The following SH3BGRL2 variants were observed in gnomAD, a reference collection of about 807,000 sequenced individuals.
SH3BGRL2 encodes the protein SH3 domain-binding glutamic acid-rich-like protein 2.
A neutral mutation model predicts 14.8 loss-of-function variants in SH3BGRL2; 21 were observed. The observed-to-expected ratio is 1.42, with a 90% CI of 1.01 to 2.05. The LOEUF (loss-of-function observed/expected upper bound fraction) is 2.05, where lower values mean the gene tolerates loss of function less well. Among genes scored for constraint, SH3BGRL2 ranks in the 30% most tolerant of loss-of-function variants. The pLI, the probability that SH3BGRL2 is intolerant of heterozygous loss-of-function variation, is 0.00. For missense variants in SH3BGRL2, 147 were observed against 130.8 expected (o/e 1.12, Z -0.61); for synonymous variants, 50 against 47.8 (o/e 1.05, Z -0.19).
intron 1 of SH3BGRL2, among the ~76,000 whole-genome samples, chr6:79,639,838 T>C (rs2127723453): frequency 6.6e-6 from 1 of 152,304 alleles, no homozygotes; most frequent in South Asian, 2.1e-4. Context: ...TTAAGCCACA[T>C]TCCTGTATTC....
intron 2 of SH3BGRL2, among the ~76,000 whole-genome samples, chr6:79,685,896 A>T (rs1016758664): frequency 6.6e-6 from 1 of 152,198 alleles, no homozygotes; most frequent in Non-Finnish European, 1.5e-5. Context: ...TTAGAGAAAT[A>T]ACTTTTCCGT....
intron 1 of SH3BGRL2, among the ~76,000 whole-genome samples, chr6:79,635,724 A>G (rs1222509086): frequency 6.6e-6 from 1 of 152,210 alleles, no homozygotes; most frequent in Non-Finnish European, 1.5e-5. Context: ...AAAAGATAGA[A>G]AGGTATTGGA....
intron 1 of SH3BGRL2, among the ~76,000 whole-genome samples, chr6:79,654,414 A>C (rs1336389368): frequency 1.3e-5 from 2 of 152,190 alleles, no homozygotes; most frequent in African/African-American, 4.8e-5. Context: ...CTCAGAGTTC[A>C]GAATCTTTGT....
chr6:79,630,888 C>T (rs75863715), upstream of SH3BGRL2, among the ~76,000 whole-genome samples: 1,339 of 152,242 alleles, frequency 8.8e-3, 19 homozygotes, highest in African/African-American at 0.03. Context: ...CCCGGCTCGC[C>T]GATCCCGCCT....
chr6:79,657,312 A>AAGGGACTG (rs2127728163), intron 1 of SH3BGRL2, among the ~76,000 whole-genome samples: 1 of 152,294 alleles, frequency 6.6e-6, no homozygotes, highest in African/African-American at 2.4e-5. Context: ...TGGGATAGGA[A>AAGGGACTG]AGGGACTGTA....
At chr6:79,642,853 A>G (rs1769058996) in intron 1 of SH3BGRL2, among the ~76,000 whole-genome samples, 1 of 152,176 alleles carries the variant, frequency 6.6e-6, no homozygotes, top group Non-Finnish European at 1.5e-5. Flanking sequence ...GATGAATGGA[A>G]TTTCCTAGAA....
chr6:79,587,087 G>A, the SH3BGRL2 span, among the ~76,000 whole-genome samples: 1 of 152,144 alleles, frequency 6.6e-6, no homozygotes, highest in Non-Finnish European at 1.5e-5. Flanking sequence ...TGTTGTCATT[G>A]TACTTTCTAC....
the SH3BGRL2 span, among the ~76,000 whole-genome samples, chr6:79,548,100 C>T: frequency 6.6e-6 from 1 of 152,112 alleles, no homozygotes; most frequent in Non-Finnish European, 1.5e-5. Context: ...AACTCTTAAG[C>T]TCAAGCTATC....
chr6:79,671,135 C>A (rs1156365761), intron 1 of SH3BGRL2, among the ~76,000 whole-genome samples: 4 of 151,966 alleles, frequency 2.6e-5, no homozygotes, highest in Non-Finnish European at 5.9e-5. Flanking sequence ...AAAAAAAAAA[C>A]CAGGTGAGTT....
intron 1 of SH3BGRL2, among the ~76,000 whole-genome samples, chr6:79,633,754 C>T (rs1287941642): frequency 6.6e-6 from 1 of 152,160 alleles, no homozygotes; most frequent in Non-Finnish European, 1.5e-5. Flanking sequence ...AGTTTTATCT[C>T]CTATATCAGT....
the SH3BGRL2 span, among the ~76,000 whole-genome samples, chr6:79,555,942 T>G: frequency 2.9e-4 from 44 of 152,304 alleles, no homozygotes; most frequent in Non-Finnish European, 4.9e-4. Context: ...TAAAGTAAAC[T>G]TCCCAAATCA....
chr6:79,583,322 C>T, the SH3BGRL2 span, among the ~76,000 whole-genome samples: 8 of 152,154 alleles, frequency 5.3e-5, no homozygotes, highest in Non-Finnish European at 1.5e-5. Flanking sequence ...ACTATAAAGA[C>T]ACATGCACAA....
the SH3BGRL2 span, among the ~76,000 whole-genome samples, chr6:79,605,409 T>C: frequency 6.6e-6 from 1 of 152,250 alleles, no homozygotes; most frequent in South Asian, 2.1e-4. Context: ...ACCTTCATGA[T>C]CCAGTTTTAT....
At chr6:79,677,903 G>A (rs976597670) in intron 2 of SH3BGRL2, among the ~76,000 whole-genome samples, 5 of 152,158 alleles carry the variant, frequency 3.3e-5, no homozygotes, top group Admixed American at 2.0e-4. Context: ...CTTTTATGAT[G>A]AATTGTAGTG....
At chr6:79,670,987 A>C (rs1033899198) in intron 1 of SH3BGRL2, among the ~76,000 whole-genome samples, 5 of 150,110 alleles carry the variant, frequency 3.3e-5, no homozygotes, top group African/African-American at 7.3e-5. Flanking sequence ...TTAACAATAG[A>C]GGTGTTTGCG....
At chr6:79,578,789 CA>C in the SH3BGRL2 span, among the ~76,000 whole-genome samples, 1 of 152,090 alleles carries the variant, frequency 6.6e-6, no homozygotes, top group African/African-American at 2.4e-5. Flanking sequence ...CAAAGCTGGA[CA>C]GAGATTGACT....
intron 1 of SH3BGRL2, among the ~76,000 whole-genome samples, chr6:79,666,598 A>G (rs1769664460): frequency 6.6e-6 from 1 of 152,156 alleles, no homozygotes; most frequent in South Asian, 2.1e-4. Context: ...GAGGTCTTTG[A>G]CAAGGGAAAG....
chr6:79,685,112 C>T (rs944045557), intron 2 of SH3BGRL2, among the ~76,000 whole-genome samples: 1 of 152,144 alleles, frequency 6.6e-6, no homozygotes, highest in African/African-American at 2.4e-5. Flanking sequence ...TTTCACCTTC[C>T]TGAGTTGTTT....
chr6:79,650,587 A>G (rs1262154856), intron 1 of SH3BGRL2, among the ~76,000 whole-genome samples: 1 of 152,138 alleles, frequency 6.6e-6, no homozygotes. Context: ...GAGGAAGGAC[A>G]TGAGAGAGAG....
Sources: allele counts gnomAD v4.1 joint callset (sites outside exome capture counted in the v4.1 genomes callset), GRCh38; gene constraint gnomAD v4.1.1; transcripts MANE v1.5; gene names NCBI Gene and HGNC (gene_info 2026-07-23, HGNC 2026-07-21).